GREM2: variants seen among roughly 807,000 people sequenced by gnomAD.
The protein encoded by GREM2 is gremlin-2.
Under a neutral mutation model 14.2 loss-of-function variants are expected in GREM2, and 11 were observed. That is an observed-to-expected ratio of 0.78 (90% confidence interval 0.49 to 1.28). The LOEUF is 1.28. GREM2 is among the 50% of genes most tolerant of loss of function. The pLI is 0.00. For missense variants in GREM2, 210 were observed against 218.5 expected, an observed-to-expected ratio of 0.96 and a Z score of 0.24; for synonymous variants, 98 against 97.6, an observed-to-expected ratio of 1.00 and a Z score of -0.02.
intron 1 of GREM2, among the ~76,000 whole-genome samples, chr1:240,499,324 A>T (rs1677510661): frequency 6.6e-6 from 1 of 152,200 alleles, no homozygotes; most frequent in Non-Finnish European, 1.5e-5. Context: ...CTGTGCAGGA[A>T]TGGTGAATGG....
chr1:240,541,653 AT>A (rs909286119), intron 1 of GREM2, among the ~76,000 whole-genome samples: 34 of 141,090 alleles, frequency 2.4e-4, no homozygotes, highest in African/African-American at 5.8e-4. Context: ...TTTCCCTTGG[AT>A]TTTTTTTTTC....
chr1:240,590,322 G>C (rs1337591259), intron 1 of GREM2, among the ~76,000 whole-genome samples: 1 of 152,082 alleles, frequency 6.6e-6, no homozygotes, highest in African/African-American at 2.4e-5. Context: ...TTGTTCCACT[G>C]TCATTTGCAC....
chr1:240,533,147 A>G (rs931223732), intron 1 of GREM2, among the ~76,000 whole-genome samples: 2 of 152,208 alleles, frequency 1.3e-5, no homozygotes, highest in African/African-American at 4.8e-5. Context: ...GGTATGCCTG[A>G]GGTGTGAAGA....
chr1:240,493,456 A>G lies in GREM2; in HGVS notation c.20T>C (p.Leu7Pro), dbSNP rs1266553115. Residue 7 changes from leucine to proline, a missense_variant, in exon 2 of 2, where the codon CTG (leucine) becomes CCG (proline). Transcript: ENST00000318160. MFWKLSLSLFLVAVLVK... is the reference protein window; with the variant it reads MFWKLSPSLFLVAVLVK... ...CAGCACCGCCACCAGGAACAAGGAC[A>G]GGGAAAGCTTCCAGAACATCCTGCA... is the stretch of plus-strand genomic sequence containing the variant. 1.2e-6 allele frequency: 2 copies of G among 1,608,476 alleles called. No homozygotes were observed. Among genetic ancestry groups the G allele is most frequent in the South Asian group, 2.2e-5 (2 of 90,392 alleles).
At chr1:240,574,505 A>G (rs1339149510) in intron 1 of GREM2, among the ~76,000 whole-genome samples, 1 of 152,162 alleles carries the variant, frequency 6.6e-6, no homozygotes, top group Non-Finnish European at 1.5e-5. Flanking sequence ...GGACAGAAGG[A>G]GGAGGCCATT....
intron 1 of GREM2, among the ~76,000 whole-genome samples, chr1:240,506,306 C>G (rs1196587718): frequency 6.6e-6 from 1 of 152,168 alleles, no homozygotes; most frequent in South Asian, 2.1e-4. Flanking sequence ...TGCAGCCTCT[C>G]TTTCCTGACA....
At chr1:240,534,542 A>T (rs370887080) in intron 1 of GREM2, among the ~76,000 whole-genome samples, 167 of 152,138 alleles carry the variant, frequency 1.1e-3, no homozygotes, top group African/African-American at 3.9e-3. Flanking sequence ...ACAAAAAAAA[A>T]TTAGCTGGGC....
chr1:240,545,835 C>T (rs989320613), intron 1 of GREM2, among the ~76,000 whole-genome samples: 11 of 152,128 alleles, frequency 7.2e-5, no homozygotes, highest in Admixed American at 3.3e-4. Flanking sequence ...CCTTTGTCTT[C>T]GGATTCTATA....
chr1:240,523,484 G>A (rs908878990), intron 1 of GREM2, among the ~76,000 whole-genome samples: 1 of 152,068 alleles, frequency 6.6e-6, no homozygotes, highest in Non-Finnish European at 1.5e-5. Context: ...AATGTCCTTT[G>A]GGGAGACATT....
chr1:240,568,214 AC>A (rs1437931685), intron 1 of GREM2, among the ~76,000 whole-genome samples: 2 of 152,218 alleles, frequency 1.3e-5, no homozygotes, highest in African/African-American at 4.8e-5. Context: ...ATGAAAGTAT[AC>A]TTTTTTAGGG....
At chr1:240,601,963 T>G (rs933457395) in intron 1 of GREM2, among the ~76,000 whole-genome samples, 5 of 148,692 alleles carry the variant, frequency 3.4e-5, no homozygotes, top group Admixed American at 2.0e-4. Context: ...CTGGAACATA[T>G]AGTAAGTGCT....
chr1:240,549,690 G>T (rs1678806175), intron 1 of GREM2, among the ~76,000 whole-genome samples: 1 of 152,166 alleles, frequency 6.6e-6, no homozygotes, highest in Non-Finnish European at 1.5e-5. Flanking sequence ...GATCCCTGAA[G>T]CTACGGTGAT....
intron 1 of GREM2, among the ~76,000 whole-genome samples, chr1:240,520,433 G>T (rs1042066424): frequency 1.3e-5 from 2 of 152,162 alleles, no homozygotes; most frequent in Non-Finnish European, 2.9e-5. Context: ...AGTGTGAGTG[G>T]ACTCTGCTCA....
intron 1 of GREM2, among the ~76,000 whole-genome samples, chr1:240,563,254 CAT>C (rs1156342980): frequency 1.3e-5 from 2 of 151,752 alleles, no homozygotes; most frequent in Non-Finnish European, 2.9e-5. Flanking sequence ...TGCACAGGAA[CAT>C]ATTTGTTTTT....
intron 1 of GREM2, among the ~76,000 whole-genome samples, chr1:240,599,153 A>G (rs1429056566): frequency 5.3e-5 from 8 of 151,958 alleles, no homozygotes. Context: ...CTGTAGTCCC[A>G]GCTACTTGGG....
intron 1 of GREM2, among the ~76,000 whole-genome samples, chr1:240,509,799 A>G (rs1677764161): frequency 6.6e-6 from 1 of 152,174 alleles, no homozygotes; most frequent in South Asian, 2.1e-4. Context: ...GGCATCTGTT[A>G]TGGTAGAAGG....
chr1:240,521,727 C>T (rs1415843756), intron 1 of GREM2, among the ~76,000 whole-genome samples: 1 of 152,082 alleles, frequency 6.6e-6, no homozygotes, highest in Non-Finnish European at 1.5e-5. Context: ...CTTAAAATGG[C>T]CAACTCTTTC....
intron 1 of GREM2, among the ~76,000 whole-genome samples, chr1:240,589,638 C>T (rs916974897): frequency 1.8e-4 from 27 of 151,986 alleles, no homozygotes; most frequent in African/African-American, 5.1e-4. Context: ...TGGGAGATCC[C>T]ATTGTTCATG....
intron 1 of GREM2, among the ~76,000 whole-genome samples, chr1:240,504,137 G>C (rs1411282837): frequency 6.6e-6 from 1 of 152,074 alleles, no homozygotes; most frequent in African/African-American, 2.4e-5. Flanking sequence ...TGCCTATCTA[G>C]CTATCAAAAT....
Sources: gnomAD v4.1 joint callset for allele counts (sites outside exome capture counted in the v4.1 genomes callset) on GRCh38, gnomAD v4.1.1 for gene constraint, MANE v1.5 for transcripts, NCBI Gene and HGNC (gene_info 2026-07-23, HGNC 2026-07-21) for gene names.